Variants in PCP4 observed in about 807,000 individuals in gnomAD.
PCP4 encodes Purkinje cell protein 4.
A neutral mutation model predicts 10.0 loss-of-function variants in PCP4; 8 were observed. The ratio of observed to expected loss-of-function variants is 0.80; its 90% confidence interval spans 0.47 to 1.45. PCP4 has a LOEUF of 1.45. Among genes scored for constraint, PCP4 ranks in the 40% most tolerant of loss-of-function variants. The pLI, the probability that PCP4 is intolerant of heterozygous loss-of-function variation, is 0.00. For synonymous variants in PCP4, 21 were observed against 23.0 expected (o/e 0.91, Z 0.24); for missense variants, 54 against 74.4 (o/e 0.73, Z 1.01).
In PCP4 at chr21:39,906,607, G is replaced by A. The variant is rs577567192; in HGVS notation, c.61+8080G>A. 1.1e-4 allele frequency among the ~76,000 whole-genome samples: 15 copies of A among 138,696 alleles called. No homozygotes were observed. Among genetic ancestry groups the A allele is most frequent in the East Asian group, 6.3e-4 (3 of 4,788 alleles). The allele number at this position is 138,696 out of a possible 152,430, so 91.0% of individuals were successfully genotyped here. ...TTCCTTCCCTTCCTTCCCTCCCTCC[G>A]TCTTTTCTTCCTACCTTTCATCCTT... On this transcript the variant is annotated intron_variant, in intron 2 of 2. Coordinates refer to ENST00000328619, the MANE Select transcript of PCP4 (RefSeq NM_006198.3). This position sits in a 1 kb window ranked among gnomAD's most constrained non-coding sequence, Gnocchi z 6.3.
At chr21:39,887,308 T>C (rs1274079380) in intron 1 of PCP4, among the ~76,000 whole-genome samples, 2 of 151,482 alleles carry the variant, frequency 1.3e-5, no homozygotes, top group African/African-American at 2.4e-5. Context: ...GCCTTTGTCA[T>C]TGAAAATCCC....
chr21:39,906,897 G>A lies in PCP4; in HGVS notation c.61+8370G>A, dbSNP rs1045269471. ...GTTTCAAATGTTTCAGGTTCTGCTT[G>A]TCAATTACTTTTATGGAAATAGTAT... On this transcript the variant is annotated intron_variant, in intron 2 of 2. Transcript: ENST00000328619. The surrounding 1 kb of genome is among the most constrained non-coding windows in gnomAD (Gnocchi z 6.3). Among the ~76,000 whole-genome samples the A allele has an allele frequency of 1.3e-5, 2 of 152,102 alleles. No homozygotes were observed. Among genetic ancestry groups the A allele is most frequent in the African/African-American group, 2.4e-5 (1 of 41,412 alleles).
At chr21:39,883,817 A>G in intron 1 of PCP4, among the ~76,000 whole-genome samples, 1 of 152,174 alleles carries the variant, frequency 6.6e-6, no homozygotes, top group East Asian at 1.9e-4. Context: ...TGCAAGTTGA[A>G]TACAATGAAA....
At chr21:39,914,805 T>C (rs775995358) in intron 2 of PCP4, among the ~76,000 whole-genome samples, 1 of 152,234 alleles carries the variant, frequency 6.6e-6, no homozygotes, top group South Asian at 2.1e-4. Context: ...GTGAAATTTT[T>C]AGAGTTTAAT....
At chr21:39,919,653 A>T (rs544687371) in intron 2 of PCP4, among the ~76,000 whole-genome samples, 1 of 151,762 alleles carries the variant, frequency 6.6e-6, no homozygotes, top group African/African-American at 2.4e-5. Flanking sequence ...GGTGTGTATG[A>T]GTGTGTATGT....
At chr21:39,888,600 C>T (rs536507505) in intron 1 of PCP4, among the ~76,000 whole-genome samples, 3 of 152,304 alleles carry the variant, frequency 2.0e-5, no homozygotes, top group East Asian at 3.9e-4. Flanking sequence ...GAGCTGACAG[C>T]GGTGTGAGTT....
In PCP4 at chr21:39,906,918, A is replaced by C. The variant is rs920730076; in HGVS notation, c.61+8391A>C. 6.6e-6 allele frequency among the ~76,000 whole-genome samples: 1 copy of C among 152,206 alleles called. No individual in the cohort carries two copies. The highest frequency in any genetic ancestry group is 2.4e-5 in the African/African-American group (1 of 41,452). On this transcript the variant is annotated intron_variant, in intron 2 of 2. Transcript: ENST00000328619. This position sits in a 1 kb window ranked among gnomAD's most constrained non-coding sequence, Gnocchi z 6.3. ...GCTTGTCAATTACTTTTATGGAAATAGTATTTCTCACGCGCTTGAAAACAC... is the reference window on the plus strand; with the variant it reads ...GCTTGTCAATTACTTTTATGGAAATCGTATTTCTCACGCGCTTGAAAACAC...
intron 1 of PCP4, among the ~76,000 whole-genome samples, chr21:39,897,828 T>C (rs7280524): frequency 0.6 from 91,054 of 151,854 alleles, 28,012 homozygotes; most frequent in African/African-American, 0.72. Context: ...GGATGGATTA[T>C]GAGGTCAGGA....
intron 2 of PCP4, among the ~76,000 whole-genome samples, chr21:39,905,830 C>G (rs774712731): frequency 2.6e-5 from 4 of 152,014 alleles, no homozygotes; most frequent in Non-Finnish European, 5.9e-5. Context: ...GGGTGGATCA[C>G]GAGGTCAGGA....
intron 1 of PCP4, among the ~76,000 whole-genome samples, chr21:39,880,903 C>T (rs1156656082): frequency 6.6e-6 from 1 of 152,092 alleles, no homozygotes; most frequent in Non-Finnish European, 1.5e-5. Flanking sequence ...CCAATTAAAT[C>T]CTTCTGGATT....
intron 2 of PCP4, chr21:39,916,157 T>C (rs73904613): frequency 3.6e-4 from 54 of 152,110 alleles, no homozygotes; most frequent in African/African-American, 1.2e-3. Flanking sequence ...TTCAATTCTT[T>C]CCATGTGCTC....
intron 1 of PCP4, among the ~76,000 whole-genome samples, chr21:39,886,700 G>C (rs980359669): frequency 2.6e-5 from 4 of 152,170 alleles, no homozygotes; most frequent in African/African-American, 4.8e-5. Context: ...ACATTTCACT[G>C]TGAAATCTGT....
intron 2 of PCP4, among the ~76,000 whole-genome samples, chr21:39,901,029 G>GT (rs2087480205): frequency 6.6e-6 from 1 of 152,124 alleles, no homozygotes; most frequent in Non-Finnish European, 1.5e-5. Context: ...AGGATATTTA[G>GT]TAAAAAGTGG....
At chr21:39,871,270 G>A (rs2146323296) in intron 1 of PCP4, among the ~76,000 whole-genome samples, 1 of 152,354 alleles carries the variant, frequency 6.6e-6, no homozygotes, top group African/African-American at 2.4e-5. Flanking sequence ...GCCCAGTGGA[G>A]GGACTAAGGT....
rs537389113 is a variant in PCP4 at position 39,921,696 on chromosome 21, CAT to C, written c.62-7287_62-7286del. Among the ~76,000 whole-genome samples the C allele has an allele frequency of 2.4e-3, 361 of 152,314 alleles. 1 individual carries two copies. Among genetic ancestry groups the C allele is most frequent in the African/African-American group, 8.1e-3 (338 of 41,576 alleles). ...TTGATTAATGTTAAATTAATGTCCT[CAT>C]GTGGTGAGGACACAGCAAAAAGGTG... On this transcript the variant is annotated intron_variant, in intron 2 of 2. Transcript: ENST00000328619.
chr21:39,898,787 A>T (rs1441441898), intron 2 of PCP4, among the ~76,000 whole-genome samples: 1 of 152,198 alleles, frequency 6.6e-6, no homozygotes, highest in Non-Finnish European at 1.5e-5. Flanking sequence ...TTACAATGCA[A>T]ATCTAGTTCT....
chr21:39,872,784 C>T (rs1300887794), intron 1 of PCP4, among the ~76,000 whole-genome samples: 2 of 152,138 alleles, frequency 1.3e-5, no homozygotes, highest in Admixed American at 6.5e-5. Flanking sequence ...AGGCCAGGCA[C>T]CCTCTTCTCT....
At chr21:39,886,397 G>A (rs1489883770) in intron 1 of PCP4, among the ~76,000 whole-genome samples, 1 of 152,126 alleles carries the variant, frequency 6.6e-6, no homozygotes, top group Non-Finnish European at 1.5e-5. Context: ...ACTAATACTA[G>A]TAAAATACTA....
At chr21:39,916,007 C>G (rs2087566826) in intron 2 of PCP4, 1 of 152,164 alleles carries the variant, frequency 6.6e-6, no homozygotes, top group African/African-American at 2.4e-5. Flanking sequence ...TGTTGGATGA[C>G]TAATTTGTCC....
Sources: allele counts gnomAD v4.1 joint callset (sites outside exome capture counted in the v4.1 genomes callset), GRCh38; gene constraint gnomAD v4.1.1; non-coding constraint Gnocchi (gnomAD v3.1); transcripts MANE v1.5; gene names NCBI Gene and HGNC (gene_info 2026-07-23, HGNC 2026-07-21).